The following SHISAL1 variants were observed in gnomAD, a reference collection of about 807,000 sequenced individuals.
SHISAL1 encodes shisa like 1.
In SHISAL1, 9 loss-of-function variants were observed where a neutral mutation model predicts 22.6. The ratio of observed to expected loss-of-function variants is 0.40; its 90% CI spans 0.24 to 0.70. The LOEUF is 0.70. SHISAL1 is among the 30% of genes least tolerant of loss of function. The pLI, the probability that SHISAL1 is intolerant of heterozygous loss-of-function variation, is 0.39. For missense variants in SHISAL1, 246 were observed against 270.6 expected, an observed-to-expected ratio of 0.91 and a Z score of 0.64; for synonymous variants, 119 against 115.4, an observed-to-expected ratio of 1.03 and a Z score of -0.20.
At position 44,298,048 on chromosome 22, in the gene SHISAL1, G is replaced by A. The variant is rs535830406; in HGVS notation, c.68-1163C>T. Among the ~76,000 whole-genome samples the A allele has an allele frequency of 3.9e-5, 6 of 152,276 alleles. No homozygotes were observed. In the East Asian group the frequency reaches 5.8e-4, roughly 15 times the overall value. On this transcript the variant is annotated intron_variant, in intron 2 of 4. Coordinates refer to ENST00000381176, the MANE Select transcript of SHISAL1 (RefSeq NM_001099294.2). The stretch of plus-strand genomic sequence containing the variant: ...CTGGGGTGCTGAGGCTGCCTCCGGC[G>A]GGGGGCATGAAATTCCACACCCCTT...
chr22:44,270,676 G>A (rs1253789758), intron 4 of SHISAL1, among the ~76,000 whole-genome samples: 1 of 152,114 alleles, frequency 6.6e-6, no homozygotes, highest in Non-Finnish European at 1.5e-5. Context: ...AGCCTAGGGT[G>A]GATGGTCGGA....
rs570956241 is a variant in SHISAL1 at position 44,244,060 on chromosome 22, G to C, written c.*5625C>G. 1 of 152,318 alleles carries C rather than the reference G, an allele frequency of 6.6e-6. No individual in the cohort carries two copies. Among genetic ancestry groups the C allele is most frequent in the African/African-American group, 2.4e-5 (1 of 41,546 alleles). 9.4% of individuals were successfully genotyped at this position (152,318 alleles called of 1,614,324 possible). A position where few individuals can be genotyped will look rare whatever the true frequency, so the allele number is the denominator to read the frequency against. ...ACATTGTCGAGACACTGACCACTTG[G>C]TTATTTGACTGTGAGGTATGCCACT... On this transcript the variant is annotated 3_prime_UTR_variant, in exon 5 of 5. Coordinates refer to ENST00000381176, the MANE Select transcript of SHISAL1 (RefSeq NM_001099294.2).
chr22:44,320,563 A>G, the SHISAL1 span, among the ~76,000 whole-genome samples: 1 of 152,350 alleles, frequency 6.6e-6, no homozygotes, highest in South Asian at 2.1e-4. Flanking sequence ...CACTGCTTCT[A>G]AATCGATCCA....
the SHISAL1 span, among the ~76,000 whole-genome samples, chr22:44,324,721 G>A: frequency 1.3e-5 from 2 of 152,216 alleles, no homozygotes; most frequent in African/African-American, 2.4e-5. Context: ...GCATAGCCTC[G>A]GGAATTCCAG....
chr22:44,312,957 T>G (rs537313639), upstream of SHISAL1: 19 of 152,304 alleles, frequency 1.2e-4, no homozygotes, highest in Non-Finnish European at 5.9e-5. Flanking sequence ...AGTGTGCTCC[T>G]CAGGGCGGGG....
chr22:44,331,415 C>G, the SHISAL1 span, among the ~76,000 whole-genome samples: 1 of 151,418 alleles, frequency 6.6e-6, no homozygotes, highest in African/African-American at 2.4e-5. The surrounding 1 kb of genome is among the most constrained non-coding windows in gnomAD (Gnocchi z 5.2). Flanking sequence ...GGCCCCTTTC[C>G]CCGCCGCTCT....
At chr22:44,263,855 T>C (rs1049639763) in intron 4 of SHISAL1, among the ~76,000 whole-genome samples, 3 of 152,238 alleles carry the variant, frequency 2.0e-5, no homozygotes, top group Non-Finnish European at 2.9e-5. Context: ...TGCTGTCCTC[T>C]GGATCTGTAC....
the SHISAL1 span, among the ~76,000 whole-genome samples, chr22:44,325,114 G>T: frequency 5.3e-5 from 8 of 152,034 alleles, no homozygotes; most frequent in Admixed American, 3.3e-4. Flanking sequence ...ATGGTGGTGG[G>T]CGCCTGTAAT....
At chr22:44,302,613 T>C (rs1057125215) in intron 1 of SHISAL1, among the ~76,000 whole-genome samples, 4 of 151,302 alleles carry the variant, frequency 2.6e-5, no homozygotes, top group Admixed American at 1.3e-4. Context: ...CACGGAGGGA[T>C]AGCAGGGGCA....
rs2055361366 is a variant in SHISAL1, at chr22:44,292,749, C to T, written c.281+3923G>A. ...GCCAGCCCCGCCTGGACACCAGGCC[C>T]CACGTCAGCTCCCTGGGCTTGGGTC... is the stretch of plus-strand genomic sequence containing the variant. On this transcript the variant is annotated intron_variant, in intron 3 of 4. Transcript: ENST00000381176. Among the ~76,000 whole-genome samples the T allele has an allele frequency of 2.0e-5, 3 of 152,348 alleles. No individual in the cohort carries two copies. In the South Asian group the frequency reaches 6.2e-4, roughly 32 times the overall value.
At chr22:44,318,076 G>C in the SHISAL1 span, among the ~76,000 whole-genome samples, 1 of 152,234 alleles carries the variant, frequency 6.6e-6, no homozygotes, top group African/African-American at 2.4e-5. Context: ...GCTGCCCCCC[G>C]ACCCAGTCCA....
At chr22:44,318,503 C>T in the SHISAL1 span, among the ~76,000 whole-genome samples, 1 of 152,192 alleles carries the variant, frequency 6.6e-6, no homozygotes, top group Non-Finnish European at 1.5e-5. Context: ...GAGGACAGGA[C>T]GTGCAGGCTG....
At chr22:44,298,053 G>A (rs546879073) in intron 2 of SHISAL1, among the ~76,000 whole-genome samples, 3 of 152,296 alleles carry the variant, frequency 2.0e-5, no homozygotes, top group African/African-American at 7.2e-5. Flanking sequence ...CCGGCGGGGG[G>A]CATGAAATTC....
chr22:44,255,619 T>TGCCCTGGTCA (rs1043148156), intron 4 of SHISAL1, among the ~76,000 whole-genome samples: 2 of 152,232 alleles, frequency 1.3e-5, no homozygotes, highest in Non-Finnish European at 2.9e-5. Context: ...CAGTGGTGTC[T>TGCCCTGGTCA]GCGCTGGTCA....
chr22:44,292,753 G>A (rs942730534), intron 3 of SHISAL1, among the ~76,000 whole-genome samples: 10 of 152,182 alleles, frequency 6.6e-5, no homozygotes, highest in African/African-American at 2.2e-4. Context: ...CAGGCCCCAC[G>A]TCAGCTCCCT....
At chr22:44,297,955 G>T (rs757271222) in intron 2 of SHISAL1, among the ~76,000 whole-genome samples, 4 of 152,170 alleles carry the variant, frequency 2.6e-5, no homozygotes, top group African/African-American at 9.6e-5. Context: ...CTACCCACCC[G>T]GGGCTGCTGC....
Position 44,296,737 on chromosome 22 carries a change from G to A in SHISAL1, c.216C>T (p.Asn72=), listed in dbSNP as rs373946331. The A allele has an allele frequency of 2.4e-5, 39 of 1,614,032 alleles. No individual in the cohort carries two copies. Among genetic ancestry groups the A allele is most frequent in the Admixed American group, 5.0e-5 (3 of 60,018 alleles). The change falls in exon 3 of 5, where the codon AAC becomes AAT. Residue 72 remains asparagine (N), a synonymous_variant. Transcript: ENST00000381176. ...HNNTVFKYCC[N]ETEFQAVMQA... The stretch of plus-strand genomic sequence containing the variant: ...GCATCACCGCCTGGAACTCCGTCTC[G>A]TTGCAGCAGTATTTGAAGACCGTGT...
chr22:44,327,234 G>GC, the SHISAL1 span, among the ~76,000 whole-genome samples: 141 of 97,418 alleles, frequency 1.4e-3, no homozygotes, highest in African/African-American at 3.8e-3. Flanking sequence ...GGAGAGTGGG[G>GC]GGCGCGCACA....
At chr22:44,267,490 A>G (rs1331677878) in intron 4 of SHISAL1, among the ~76,000 whole-genome samples, 1 of 148,028 alleles carries the variant, frequency 6.8e-6, no homozygotes, top group Admixed American at 6.7e-5. Flanking sequence ...ACCCTCAGCC[A>G]AGCCACAGAC....
Sources: gnomAD v4.1 joint callset for allele counts (sites outside exome capture counted in the v4.1 genomes callset) on GRCh38, gnomAD v4.1.1 for gene constraint, Gnocchi (gnomAD v3.1) non-coding constraint, MANE v1.5 for transcripts, NCBI Gene and HGNC (gene_info 2026-07-23, HGNC 2026-07-21) for gene names.